SH3GLB1: variants seen among roughly 807,000 people sequenced by gnomAD.
SH3GLB1 encodes SH3 domain containing GRB2 like, endophilin B1.
SH3GLB1 carries 17 observed loss-of-function variants against 42.0 expected under a neutral mutation model. The observed-to-expected ratio is 0.40, with a 90% CI of 0.28 to 0.61. The LOEUF (loss-of-function observed/expected upper bound fraction) is 0.61. Among genes scored for constraint, SH3GLB1 ranks in the 20% least tolerant of loss-of-function variants. The probability of loss-of-function intolerance (pLI) is 0.36; values close to 1 mark genes in which losing one functional copy is unlikely to be tolerated. For missense variants in SH3GLB1, 355 were observed against 426.3 expected, an observed-to-expected ratio of 0.83 and a Z score of 1.47; for synonymous variants, 132 against 146.6, an observed-to-expected ratio of 0.90 and a Z score of 0.72.
Position 86,704,780 on chromosome 1 carries a change from G to A in SH3GLB1, c.-120G>A, listed in dbSNP as rs982691430. On this transcript the variant is annotated 5_prime_UTR_variant, in exon 1 of 9. Transcript: ENST00000370558. ...CGACAGCTGCGGCTGCGGGGCTGGC[G>A]CCGCCTCCCTCCACCTACCACGTCT... The A allele has an allele frequency of 5.6e-5, 30 of 539,062 alleles. No individual in the cohort carries two copies. Among genetic ancestry groups the A allele is most frequent in the Middle Eastern group, 4.4e-4 (1 of 2,268 alleles). The allele number at this position is 539,062 out of a possible 1,614,324, so 33.4% of individuals were successfully genotyped here. A position where few individuals can be genotyped will look rare whatever the true frequency, so the allele number is the denominator to read the frequency against.
intron 5 of SH3GLB1, among the ~76,000 whole-genome samples, chr1:86,730,761 C>T (rs1235980069): frequency 3.9e-5 from 6 of 152,168 alleles, no homozygotes; most frequent in Admixed American, 2.0e-4. Context: ...CTTTGCCTCC[C>T]AAAGTGCTGG....
chr1:86,726,471 C>T (rs1570273471), intron 5 of SH3GLB1, among the ~76,000 whole-genome samples: 1 of 151,890 alleles, frequency 6.6e-6, no homozygotes, highest in East Asian at 1.9e-4. Context: ...TTCTCTGCTG[C>T]GTATTTTTGA....
At chr1:86,713,642 G>A (rs74097420) in intron 1 of SH3GLB1, among the ~76,000 whole-genome samples, 2,801 of 152,046 alleles carry the variant, frequency 0.018, 44 homozygotes, top group African/African-American at 0.029. Context: ...CTAACTACCC[G>A]CATCTCACAC....
Position 86,743,123 on chromosome 1 carries a change from T to TG in SH3GLB1, c.991-4dup, listed in dbSNP as rs758555590. On this transcript the variant is annotated splice_region_variant and splice_polypyrimidine_tract_variant and intron_variant, in intron 8 of 8. Coordinates refer to ENST00000370558, the MANE Select transcript of SH3GLB1 (RefSeq NM_016009.5). ...GTTAATAACTGGAAGTATTTTATTT[T>TG]GCAGGTGATCACTGTGTTCAGTGTT... 2.5e-6 allele frequency: 4 copies of TG among 1,607,452 alleles called. No individual in the cohort carries two copies. In the East Asian group the frequency reaches 8.9e-5, roughly 36 times the overall value.
rs1656345560 is a variant in SH3GLB1, at chr1:86,747,188, T to C, written c.*3953T>C. Reference sequence around the variant, plus strand: ...CTGTCACTCTAGAATGTAGGCTCCCTGAGATAAAAACTATAATTCTTTTGA... The same window carrying C: ...CTGTCACTCTAGAATGTAGGCTCCCCGAGATAAAAACTATAATTCTTTTGA... On this transcript the variant is annotated 3_prime_UTR_variant, in exon 9 of 9. Transcript: ENST00000370558. 1 of 152,634 alleles carries C rather than the reference T, an allele frequency of 6.6e-6. No homozygotes were observed. The highest frequency in any genetic ancestry group is 1.5e-5 in the Non-Finnish European group (1 of 68,038). The allele number at this position is 152,634 out of a possible 1,614,324, so 9.5% of individuals were successfully genotyped here. A position where few individuals can be genotyped will look rare whatever the true frequency, so the allele number is the denominator to read the frequency against.
intron 1 of SH3GLB1, among the ~76,000 whole-genome samples, chr1:86,713,891 A>T (rs1654359818): frequency 6.6e-6 from 1 of 152,212 alleles, no homozygotes; most frequent in Admixed American, 6.5e-5. Context: ...TTGCCATTAA[A>T]ATGTAAGCTT....
chr1:86,742,188 C>T lies in SH3GLB1; in HGVS notation c.762-20C>T, dbSNP rs757330434. On this transcript the variant is annotated intron_variant, in intron 7 of 8. Transcript: ENST00000370558. Reference sequence around the variant, plus strand: ...TTTAGTCACTTGGAAATAAATAATTCGCTGCTTTCTTTTCAACAGTTTTCC... The same window carrying T: ...TTTAGTCACTTGGAAATAAATAATTTGCTGCTTTCTTTTCAACAGTTTTCC... 7.2e-5 allele frequency: 115 copies of T among 1,590,280 alleles called. No homozygotes were observed. Among genetic ancestry groups the T allele is most frequent in the Non-Finnish European group, 9.7e-5 (112 of 1,158,814 alleles).
chr1:86,731,239 A>G (rs777655749), intron 5 of SH3GLB1, among the ~76,000 whole-genome samples: 8 of 152,218 alleles, frequency 5.3e-5, no homozygotes, highest in Non-Finnish European at 1.0e-4. Flanking sequence ...GTTTAGGCCT[A>G]CCAAACTCTG....
intron 5 of SH3GLB1, chr1:86,730,487 A>G (rs766502054): frequency 1.5e-6 from 1 of 647,798 alleles, no homozygotes; most frequent in Non-Finnish European, 1.9e-6. Context: ...GGGATATATA[A>G]TATTTCGCAC....
chr1:86,711,760 A>G (rs1255589292), intron 1 of SH3GLB1, among the ~76,000 whole-genome samples: 4 of 152,050 alleles, frequency 2.6e-5, no homozygotes, highest in African/African-American at 4.8e-5. Context: ...GAAAGAATTA[A>G]TAGGTCTTTT....
At chr1:86,718,709 C>T (rs1043408381) in intron 2 of SH3GLB1, among the ~76,000 whole-genome samples, 1 of 152,080 alleles carries the variant, frequency 6.6e-6, no homozygotes, top group Non-Finnish European at 1.5e-5. Flanking sequence ...TTTCACTTGT[C>T]CTGAAATACC....
rs1656179639 is a variant in SH3GLB1 at position 86,743,922 on chromosome 1, G to C, written c.*687G>C. 6.6e-6 allele frequency: 1 copy of C among 152,462 alleles called. No homozygotes were observed. 9.4% of individuals were successfully genotyped at this position (152,462 alleles called of 1,614,324 possible). A position where few individuals can be genotyped will look rare whatever the true frequency, so the allele number is the denominator to read the frequency against. The stretch of plus-strand genomic sequence containing the variant: ...TGATAAATTTGTAGTTAAGGTTCTA[G>C]AAAATCTAGGACAAATTTACTTCAT... On this transcript the variant is annotated 3_prime_UTR_variant, in exon 9 of 9. Coordinates refer to ENST00000370558, the MANE Select transcript of SH3GLB1 (RefSeq NM_016009.5).
chr1:86,728,454 T>C, intron 5 of SH3GLB1: 1 of 1,555,414 alleles, frequency 6.4e-7, no homozygotes, highest in Non-Finnish European at 8.7e-7. Flanking sequence ...AAATTTCTCT[T>C]ACATGCTCAA....
intron 7 of SH3GLB1, among the ~76,000 whole-genome samples, chr1:86,741,963 T>C (rs1426151076): frequency 6.6e-6 from 1 of 152,196 alleles, no homozygotes; most frequent in Non-Finnish European, 1.5e-5. Context: ...TAAGTTAATA[T>C]TATAAGGACA....
intron 1 of SH3GLB1, among the ~76,000 whole-genome samples, chr1:86,713,047 G>T (rs988812773): frequency 6.6e-6 from 1 of 152,078 alleles, no homozygotes; most frequent in African/African-American, 2.4e-5. Flanking sequence ...TCTAATTGCT[G>T]ATTTTCCTGA....
chr1:86,726,056 CTAA>C (rs1337119668), intron 5 of SH3GLB1, among the ~76,000 whole-genome samples: 19 of 151,972 alleles, frequency 1.3e-4, no homozygotes, highest in African/African-American at 4.1e-4. Flanking sequence ...TTTCTAGTTG[CTAA>C]TAATTAATTT....
intron 5 of SH3GLB1, among the ~76,000 whole-genome samples, chr1:86,726,617 AG>A (rs1655209025): frequency 6.6e-6 from 1 of 152,084 alleles, no homozygotes; most frequent in African/African-American, 2.4e-5. Flanking sequence ...ATTTAACTAT[AG>A]CCAAATACTA....
At chr1:86,737,414 A>G (rs1192503511) in intron 7 of SH3GLB1, among the ~76,000 whole-genome samples, 2 of 152,214 alleles carry the variant, frequency 1.3e-5, no homozygotes, top group African/African-American at 4.8e-5. Flanking sequence ...TTAGAGAACT[A>G]AAAAAGCCAT....
chr1:86,737,215 CTTAA>C (rs752220482), intron 7 of SH3GLB1, among the ~76,000 whole-genome samples: 14 of 152,136 alleles, frequency 9.2e-5, no homozygotes, highest in South Asian at 4.2e-4. Flanking sequence ...GCTCCAGTGG[CTTAA>C]TTGACATTTT....
Sources: allele counts gnomAD v4.1 joint callset (sites outside exome capture counted in the v4.1 genomes callset), GRCh38; gene constraint gnomAD v4.1.1; transcripts MANE v1.5; gene names NCBI Gene and HGNC (gene_info 2026-07-23, HGNC 2026-07-21).